The following NRXN1 variants were observed in gnomAD, a reference collection of about 807,000 sequenced individuals.
NRXN1 encodes neurexin-1.
In NRXN1, 39 loss-of-function variants were observed where a neutral mutation model predicts 150.9. The ratio of observed to expected loss-of-function variants is 0.26; its 90% confidence interval spans 0.20 to 0.34. The LOEUF (loss-of-function observed/expected upper bound fraction) is 0.34, where lower values mean the gene tolerates loss of function less well. NRXN1 is among the 10% of genes least tolerant of loss of function. NRXN1 has a pLI of 1.00. For synonymous variants in NRXN1, 924 were observed against 757.0 expected (o/e 1.22, Z -3.62); for missense variants, 1,815 against 1,949.9 (o/e 0.93, Z 1.30).
At chr2:50,222,581 T>A (rs2063981057) in intron 18 of NRXN1, among the ~76,000 whole-genome samples, 1 of 151,912 alleles carries the variant, frequency 6.6e-6, no homozygotes, top group Non-Finnish European at 1.5e-5. Flanking sequence ...TACAAGATTT[T>A]AAAATGTTAT....
At chr2:50,356,935 A>AT (rs1406091325) in intron 17 of NRXN1, among the ~76,000 whole-genome samples, 7 of 151,818 alleles carry the variant, frequency 4.6e-5, no homozygotes, top group Non-Finnish European at 7.4e-5. Context: ...TAGACTTAAG[A>AT]TTTTTTTTTA....
chr2:50,101,967 A>T (rs565062353), intron 18 of NRXN1, among the ~76,000 whole-genome samples: 4 of 152,050 alleles, frequency 2.6e-5, no homozygotes, highest in African/African-American at 9.6e-5. Context: ...TTTCTTATTG[A>T]CTTCTAGTCC....
At chr2:50,724,990 C>CA (rs1697155878) in intron 5 of NRXN1, among the ~76,000 whole-genome samples, 1 of 151,980 alleles carries the variant, frequency 6.6e-6, no homozygotes, top group Non-Finnish European at 1.5e-5. Flanking sequence ...GAATAGTGAG[C>CA]AAAAAAGTCA....
intron 21 of NRXN1, among the ~76,000 whole-genome samples, chr2:50,039,829 A>G (rs1042080455): frequency 1.9e-4 from 29 of 152,324 alleles, no homozygotes; most frequent in African/African-American, 6.3e-4. Flanking sequence ...TAGAAAACAA[A>G]TATGATTCAA....
chr2:49,992,890 T>C (rs1366444684), intron 21 of NRXN1, among the ~76,000 whole-genome samples: 2 of 152,112 alleles, frequency 1.3e-5, no homozygotes, highest in Non-Finnish European at 2.9e-5. Context: ...ATGACCAAAA[T>C]CTGGAACACT....
At chr2:50,829,685 G>A (rs539550912) in intron 5 of NRXN1, 83 of 1,607,070 alleles carry the variant, frequency 5.2e-5, no homozygotes, top group South Asian at 1.1e-4. Context: ...ACAGCGGAGC[G>A]CCGCGCCAGG....
intron 17 of NRXN1, among the ~76,000 whole-genome samples, chr2:50,302,403 A>T (rs1037878194): frequency 6.6e-6 from 1 of 152,246 alleles, no homozygotes; most frequent in African/African-American, 2.4e-5. Flanking sequence ...TAATGGGAGC[A>T]AATGACTAAT....
intron 18 of NRXN1, among the ~76,000 whole-genome samples, chr2:50,102,851 T>C (rs1701151446): frequency 6.6e-6 from 1 of 152,094 alleles, no homozygotes; most frequent in Non-Finnish European, 1.5e-5. Flanking sequence ...TTTATAGCTA[T>C]TAAGATGTGC....
intron 18 of NRXN1, among the ~76,000 whole-genome samples, chr2:50,205,418 C>T (rs564365): frequency 0.68 from 102,585 of 151,896 alleles, 34,945 homozygotes; most frequent in African/African-American, 0.74. Context: ...TAATGATCAA[C>T]AGAAGACTAC....
chr2:50,003,124 G>T (rs867342849), intron 21 of NRXN1, among the ~76,000 whole-genome samples: 3 of 152,014 alleles, frequency 2.0e-5, no homozygotes, highest in African/African-American at 7.3e-5. Context: ...TATGTTCTAA[G>T]GCTTGGTGGA....
At chr2:50,247,486 A>G (rs2066617364) in intron 17 of NRXN1, among the ~76,000 whole-genome samples, 1 of 152,176 alleles carries the variant, frequency 6.6e-6, no homozygotes, top group African/African-American at 2.4e-5. Flanking sequence ...CAGGTTCTCC[A>G]AATATGGTAC....
At chr2:49,982,842 G>A (rs1196252514) in intron 21 of NRXN1, among the ~76,000 whole-genome samples, 1 of 151,966 alleles carries the variant, frequency 6.6e-6, no homozygotes. Context: ...CCATAAATGA[G>A]ATTACTAGAC....
chr2:50,672,440 T>C (rs1383745723), intron 5 of NRXN1, among the ~76,000 whole-genome samples: 1 of 152,010 alleles, frequency 6.6e-6, no homozygotes, highest in Non-Finnish European at 1.5e-5. Flanking sequence ...ATTTATGTGG[T>C]CAAGAGGTAA....
intron 2 of NRXN1, among the ~76,000 whole-genome samples, chr2:50,989,706 G>A (rs898854206): frequency 6.6e-6 from 1 of 151,936 alleles, no homozygotes; most frequent in South Asian, 2.1e-4. Context: ...GCAATTGATG[G>A]GAATTTGGGT....
At chr2:49,984,783 G>T (rs1234991774) in intron 21 of NRXN1, among the ~76,000 whole-genome samples, 2 of 151,404 alleles carry the variant, frequency 1.3e-5, no homozygotes, top group African/African-American at 4.9e-5. Context: ...AAGTTATATT[G>T]CATAGTAGTA....
At chr2:50,967,815 T>C (rs926695045) in intron 2 of NRXN1, among the ~76,000 whole-genome samples, 1 of 152,004 alleles carries the variant, frequency 6.6e-6, no homozygotes, top group Admixed American at 6.6e-5. Context: ...AGGTCTTTTC[T>C]AGAAGTTTGA....
At chr2:51,022,735 A>G (rs1003032113) in intron 2 of NRXN1, among the ~76,000 whole-genome samples, 37 of 152,184 alleles carry the variant, frequency 2.4e-4, no homozygotes, top group African/African-American at 8.9e-4. Flanking sequence ...AACTACTTAA[A>G]TGAAAACAAT....
intron 17 of NRXN1, among the ~76,000 whole-genome samples, chr2:50,243,432 ATTAAG>A (rs2066214689): frequency 6.6e-6 from 1 of 151,786 alleles, no homozygotes; most frequent in Non-Finnish European, 1.5e-5. Flanking sequence ...ATTAAATAAA[ATTAAG>A]TTATTAAATT....
intron 3 of NRXN1, 46 bp from the exon 4 acceptor site, chr2:50,922,733 G>A (rs754498246): frequency 1.3e-6 from 2 of 1,595,244 alleles, no homozygotes; most frequent in Non-Finnish European, 8.6e-7. Flanking sequence ...AAGGGAGCAT[G>A]GGAAGGCAGG....
Sources: gnomAD v4.1 joint callset for allele counts (sites outside exome capture counted in the v4.1 genomes callset) on GRCh38, gnomAD v4.1.1 for gene constraint, MANE v1.5 for transcripts, NCBI Gene and HGNC (gene_info 2026-07-23, HGNC 2026-07-21) for gene names.